SLC2A13: variants seen among roughly 807,000 people sequenced by gnomAD.
SLC2A13 encodes solute carrier family 2 member 13, also known as proton myo-inositol cotransporter.
A neutral mutation model predicts 64.4 loss-of-function variants in SLC2A13; 32 were observed. The ratio of observed to expected loss-of-function variants is 0.50; its 90% CI spans 0.37 to 0.67. SLC2A13 has a LOEUF of 0.67. SLC2A13 is among the 30% of genes least tolerant of loss of function. SLC2A13 has a pLI of 0.00. For synonymous variants in SLC2A13, 338 were observed against 327.1 expected (o/e 1.03, Z -0.36); for missense variants, 743 against 829.2 (o/e 0.90, Z 1.28).
intron 4 of SLC2A13, among the ~76,000 whole-genome samples, chr12:39,896,021 TAC>T (rs1226883723): frequency 2.8e-5 from 4 of 144,708 alleles, no homozygotes; most frequent in African/African-American, 1.0e-4. Flanking sequence ...TGTATATGTA[TAC>T]ATACATGCAT....
At chr12:39,876,238 T>C (rs1317639077) in intron 4 of SLC2A13, among the ~76,000 whole-genome samples, 2 of 152,172 alleles carry the variant, frequency 1.3e-5, no homozygotes, top group Non-Finnish European at 2.9e-5. Context: ...ACACTCAGCT[T>C]CCAGTCCTGA....
chr12:40,078,856 C>A (rs1213295329), intron 1 of SLC2A13, among the ~76,000 whole-genome samples: 3 of 152,062 alleles, frequency 2.0e-5, no homozygotes, highest in Non-Finnish European at 4.4e-5. Flanking sequence ...CTAGTTCAAT[C>A]TTGAGAGGTT....
At chr12:40,087,995 T>C (rs2136293078) in intron 1 of SLC2A13, among the ~76,000 whole-genome samples, 2 of 152,338 alleles carry the variant, frequency 1.3e-5, no homozygotes, top group East Asian at 3.9e-4. Context: ...ATGTTAAAAC[T>C]AAAATGAAAC....
chr12:40,088,860 G>T (rs978263792), intron 1 of SLC2A13, among the ~76,000 whole-genome samples: 26 of 152,222 alleles, frequency 1.7e-4, no homozygotes, highest in African/African-American at 6.0e-4. Context: ...CAAAAAAATT[G>T]AAGATGAATG....
intron 7 of SLC2A13, among the ~76,000 whole-genome samples, chr12:39,813,739 C>T (rs73092132): frequency 0.015 from 2,212 of 152,224 alleles, 56 homozygotes; most frequent in African/African-American, 0.048. Context: ...ACTTGAAACA[C>T]GGCTGCAGCC....
intron 3 of SLC2A13, among the ~76,000 whole-genome samples, chr12:40,011,185 T>G (rs1947525566): frequency 6.6e-6 from 1 of 152,118 alleles, no homozygotes; most frequent in Non-Finnish European, 1.5e-5. Flanking sequence ...ACATCACCTG[T>G]GTTGAGTGTT....
At chr12:39,875,809 T>C (rs565017043) in intron 4 of SLC2A13, among the ~76,000 whole-genome samples, 1 of 152,294 alleles carries the variant, frequency 6.6e-6, no homozygotes, top group East Asian at 1.9e-4. Flanking sequence ...TACATTCCAA[T>C]GTTTTCATAA....
At chr12:39,957,591 T>C (rs1339270926) in intron 3 of SLC2A13, among the ~76,000 whole-genome samples, 1 of 152,096 alleles carries the variant, frequency 6.6e-6, no homozygotes, top group East Asian at 1.9e-4. Flanking sequence ...CATTCCCACA[T>C]CCAGGGAGTT....
chr12:39,999,252 G>A (rs967925220), intron 3 of SLC2A13, among the ~76,000 whole-genome samples: 3 of 152,074 alleles, frequency 2.0e-5, no homozygotes, highest in Non-Finnish European at 4.4e-5. Context: ...GAATAACAGC[G>A]ATTTTAGGGA....
intron 4 of SLC2A13, among the ~76,000 whole-genome samples, chr12:39,889,865 G>A (rs1944561122): frequency 6.6e-6 from 1 of 151,906 alleles, no homozygotes; most frequent in African/African-American, 2.4e-5. Flanking sequence ...CTCATTTGTT[G>A]TTTTTATTAT....
Position 39,844,211 on chromosome 12 carries a change from A to T in SLC2A13, c.1320-13983T>A, listed in dbSNP as rs142797556. Among the ~76,000 whole-genome samples, 945 of 152,168 alleles carry T rather than the reference A, an allele frequency of 6.2e-3. 13 individuals are homozygous for T. The highest frequency in any genetic ancestry group is 0.022 in the African/African-American group (894 of 41,558). On this transcript the variant is annotated intron_variant, in intron 6 of 9. Coordinates refer to ENST00000280871, the MANE Select transcript of SLC2A13 (RefSeq NM_052885.4). ...ACCTGATAACAGGTGCTGATTTCTA[A>T]ATAGTACTCCTAACACTAGCTTTTC... is the stretch of plus-strand genomic sequence containing the variant.
At chr12:40,016,214 C>G (rs997890995) in intron 3 of SLC2A13, among the ~76,000 whole-genome samples, 1 of 152,086 alleles carries the variant, frequency 6.6e-6, no homozygotes, top group Non-Finnish European at 1.5e-5. Flanking sequence ...AAAAACTACT[C>G]TTGAAATCTG....
chr12:40,084,903 C>T (rs1938541376), intron 1 of SLC2A13, among the ~76,000 whole-genome samples: 1 of 151,952 alleles, frequency 6.6e-6, no homozygotes, highest in African/African-American at 2.4e-5. Flanking sequence ...AAGGGTTGGT[C>T]ACTGGAAAAA....
At chr12:39,785,722 C>G (rs564172814) in intron 7 of SLC2A13, among the ~76,000 whole-genome samples, 1 of 152,268 alleles carries the variant, frequency 6.6e-6, no homozygotes, top group East Asian at 1.9e-4. Context: ...TGCAAAGACA[C>G]AGGGGCGGAG....
chr12:40,031,699 A>G (rs1947908285), intron 2 of SLC2A13, among the ~76,000 whole-genome samples: 2 of 152,220 alleles, frequency 1.3e-5, no homozygotes, highest in African/African-American at 4.8e-5. Context: ...GTATCACCCA[A>G]CTAAATTTTC....
At chr12:39,881,851 T>G (rs1944343411) in intron 4 of SLC2A13, among the ~76,000 whole-genome samples, 1 of 152,100 alleles carries the variant, frequency 6.6e-6, no homozygotes, top group Admixed American at 6.6e-5. Context: ...CACTGTTCAT[T>G]CAATAAAGAT....
At chr12:39,793,542 A>T (rs1004234097) in intron 7 of SLC2A13, among the ~76,000 whole-genome samples, 1 of 152,180 alleles carries the variant, frequency 6.6e-6, no homozygotes, top group African/African-American at 2.4e-5. Flanking sequence ...GTACTTGTAT[A>T]GTACTTGGAA....
chr12:39,803,452 A>C lies in SLC2A13; in HGVS notation c.1445+26651T>G, dbSNP rs573862862. Among the ~76,000 whole-genome samples, 3 of 152,350 alleles carry C rather than the reference A, an allele frequency of 2.0e-5. No individual in the cohort carries two copies. In the South Asian group the frequency reaches 6.2e-4, roughly 32 times the overall value. On this transcript the variant is annotated intron_variant, in intron 7 of 9. Coordinates refer to ENST00000280871, the MANE Select transcript of SLC2A13 (RefSeq NM_052885.4). Reference sequence around the variant, plus strand: ...CTTAGGAGCAAAAATAAGCATGAGTATAATTATTTAAAGAAGATATGTAAA... The same window carrying C: ...CTTAGGAGCAAAAATAAGCATGAGTCTAATTATTTAAAGAAGATATGTAAA...
chr12:39,884,137 T>C (rs1041396473), intron 4 of SLC2A13, among the ~76,000 whole-genome samples: 1 of 152,140 alleles, frequency 6.6e-6, no homozygotes, highest in African/African-American at 2.4e-5. Flanking sequence ...GTATTTTTAG[T>C]GTATGTATGT....
Sources: allele counts gnomAD v4.1 joint callset (sites outside exome capture counted in the v4.1 genomes callset), GRCh38; gene constraint gnomAD v4.1.1; transcripts MANE v1.5; gene names NCBI Gene and HGNC (gene_info 2026-07-23, HGNC 2026-07-21).